Variants in KLF15 observed in about 807,000 individuals in gnomAD.
KLF15 encodes the protein Krueppel-like factor 15.
KLF15 carries 4 observed loss-of-function variants against 24.6 expected under a neutral mutation model. The observed-to-expected ratio is 0.16, with a 90% CI of 0.08 to 0.37. The LOEUF (loss-of-function observed/expected upper bound fraction) is 0.37. KLF15 is among the 10% of genes least tolerant of loss of function. KLF15 has a pLI of 1.00. For synonymous variants in KLF15, 246 were observed against 236.3 expected (o/e 1.04, Z -0.37); for missense variants, 496 against 560.6 (o/e 0.88, Z 1.16).
chr3:126,320,333 A>G, the KLF15 span, among the ~76,000 whole-genome samples: 1 of 152,214 alleles, frequency 6.6e-6, no homozygotes, highest in Non-Finnish European at 1.5e-5. Context: ...TTTTAACACA[A>G]CATGCCAGCC....
chr3:126,329,121 T>C, the KLF15 span, among the ~76,000 whole-genome samples: 1 of 152,246 alleles, frequency 6.6e-6, no homozygotes, highest in African/African-American at 2.4e-5. Flanking sequence ...AATTGTGTGT[T>C]TGTGGTTGGC....
At chr3:126,305,004 T>C in the KLF15 span, among the ~76,000 whole-genome samples, 2,410 of 152,316 alleles carry the variant, frequency 0.016, 58 homozygotes, top group African/African-American at 0.054. Context: ...AGTGACTAAG[T>C]TCTGGTAGAT....
the KLF15 span, among the ~76,000 whole-genome samples, chr3:126,300,011 G>A: frequency 1.3e-5 from 2 of 152,124 alleles, no homozygotes; most frequent in East Asian, 1.9e-4. Flanking sequence ...GTGCCCCCAC[G>A]TGTGGTGACA....
chr3:126,354,990 G>A (rs2082618585), intron 1 of KLF15, among the ~76,000 whole-genome samples: 1 of 152,242 alleles, frequency 6.6e-6, no homozygotes, highest in African/African-American at 2.4e-5. Context: ...TGGCACACCG[G>A]CAGCACTCAG....
At chr3:126,308,779 G>A in the KLF15 span, among the ~76,000 whole-genome samples, 2 of 152,280 alleles carry the variant, frequency 1.3e-5, no homozygotes, top group South Asian at 2.1e-4. Flanking sequence ...AGCTCTCTCC[G>A]TGGGTTCTCC....
At chr3:126,340,125 G>A (rs554500036), downstream of KLF15, among the ~76,000 whole-genome samples, 152 of 152,328 alleles carry the variant, frequency 1.0e-3, no homozygotes, top group African/African-American at 3.4e-3. Flanking sequence ...GGGCACAGCT[G>A]GGACAAAACA....
chr3:126,351,283 T>C (rs6764427), intron 2 of KLF15, among the ~76,000 whole-genome samples: 112,777 of 152,230 alleles, frequency 0.74, 41,868 homozygotes, highest in Non-Finnish European at 0.77. Context: ...GCCCAGCCCA[T>C]GTGTCCAGAG....
chr3:126,301,833 T>C, the KLF15 span, among the ~76,000 whole-genome samples: 1 of 152,064 alleles, frequency 6.6e-6, no homozygotes, highest in Non-Finnish European at 1.5e-5. Flanking sequence ...CAGGCTGGTG[T>C]TGAACTCCTG....
the KLF15 span, among the ~76,000 whole-genome samples, chr3:126,294,430 C>T: frequency 6.6e-6 from 1 of 152,184 alleles, no homozygotes; most frequent in East Asian, 1.9e-4. Flanking sequence ...CTCTGGTGCT[C>T]ATCGTCTTCG....
the KLF15 span, among the ~76,000 whole-genome samples, chr3:126,305,702 T>C: frequency 6.6e-6 from 1 of 152,016 alleles, no homozygotes; most frequent in Non-Finnish European, 1.5e-5. Context: ...AGAGTGGAAG[T>C]TTTTGGAAGT....
At chr3:126,331,865 C>T in the KLF15 span, among the ~76,000 whole-genome samples, 1 of 152,170 alleles carries the variant, frequency 6.6e-6, no homozygotes, top group Non-Finnish European at 1.5e-5. Context: ...ACGGATGCAC[C>T]TGGAAAATCG....
Position 126,352,686 on chromosome 3 carries a change from G to A in KLF15, c.237C>T (p.Phe79=). 3 of 1,594,904 alleles carry A rather than the reference G, an allele frequency of 1.9e-6. No homozygotes were observed. Among genetic ancestry groups the A allele is most frequent in the Non-Finnish European group, 2.6e-6 (3 of 1,171,004 alleles). The change falls in exon 2 of 3, where the codon TTC becomes TTT. Residue 79 remains phenylalanine, a synonymous_variant. Transcript: ENST00000296233. ...TGCCCAGCGTGGCCTGGGACAATAG[G>A]AAGTCCAAGATGCTGTCCTGGCTCT... ...GTESQDSILD[F]LLSQATLGSG...
the KLF15 span, among the ~76,000 whole-genome samples, chr3:126,335,057 T>C: frequency 3.0e-5 from 2 of 65,706 alleles, no homozygotes. Context: ...GAGGGAATCC[T>C]CCCTAACTCA....
the KLF15 span, among the ~76,000 whole-genome samples, chr3:126,289,658 A>T: frequency 6.6e-6 from 1 of 152,214 alleles, no homozygotes; most frequent in Non-Finnish European, 1.5e-5. Context: ...GTTTTTATTT[A>T]TCGTAAGCAT....
At chr3:126,291,811 CAGGAGACG>C in the KLF15 span, among the ~76,000 whole-genome samples, 1 of 147,942 alleles carries the variant, frequency 6.8e-6, no homozygotes, top group South Asian at 2.5e-4. Context: ...CTGGCAGCAC[CAGGAGACG>C]AGGTTTCAAA....
At chr3:126,334,366 G>C in the KLF15 span, among the ~76,000 whole-genome samples, 70 of 135,606 alleles carry the variant, frequency 5.2e-4, no homozygotes, top group African/African-American at 1.0e-3. Context: ...GATGTTCTTT[G>C]AAACCAACGA....
At position 126,356,953 on chromosome 3, in the gene KLF15, A is replaced by C. The variant is rs538395994; in HGVS notation, c.-26+284T>G. On this transcript the variant is annotated intron_variant, in intron 1 of 2. Transcript: ENST00000296233. The surrounding 1 kb of genome is among the most constrained non-coding windows in gnomAD (Gnocchi z 4.4). ...CCACCATATGGGAGGGCCGGCCCGC[A>C]AGGCGCGCCACGGAATCGCCCGGCC... Among the ~76,000 whole-genome samples, 1 of 150,940 alleles carries C rather than the reference A, an allele frequency of 6.6e-6. No individual in the cohort carries two copies. The highest frequency in any genetic ancestry group is 1.5e-5 in the Non-Finnish European group (1 of 67,642).
At chr3:126,288,330 T>G in the KLF15 span, 1 of 152,202 alleles carries the variant, frequency 6.6e-6, no homozygotes, top group Non-Finnish European at 1.5e-5. Flanking sequence ...GCAACTGATG[T>G]TCGAGAAAGC....
chr3:126,329,443 T>A, the KLF15 span, among the ~76,000 whole-genome samples: 1 of 152,134 alleles, frequency 6.6e-6, no homozygotes, highest in African/African-American at 2.4e-5. Context: ...TATGATCCCA[T>A]CTCTGCACTC....
Sources: gnomAD v4.1 joint callset for allele counts (sites outside exome capture counted in the v4.1 genomes callset) on GRCh38, gnomAD v4.1.1 for gene constraint, Gnocchi (gnomAD v3.1) non-coding constraint, MANE v1.5 for transcripts, NCBI Gene and HGNC (gene_info 2026-07-23, HGNC 2026-07-21) for gene names.